The following KBTBD11 variants were observed in gnomAD, a reference collection of about 807,000 sequenced individuals.
KBTBD11 encodes kelch repeat and BTB domain containing 11.
For synonymous variants in KBTBD11, 747 were observed against 499.0 expected (o/e 1.50, Z -6.63); for missense variants, 1,390 against 1,001.8 (o/e 1.39, Z -5.23).
At chr8:1,999,476 T>TCG (rs1817264108) in intron 1 of KBTBD11, among the ~76,000 whole-genome samples, 1 of 152,230 alleles carries the variant, frequency 6.6e-6, no homozygotes, top group Non-Finnish European at 1.5e-5. Context: ...ACTCTAAGAC[T>TCG]CTAAGTTTCT....
chr8:1,982,212 T>A (rs1353979088), intron 1 of KBTBD11, among the ~76,000 whole-genome samples: 1 of 152,202 alleles, frequency 6.6e-6, no homozygotes, highest in African/African-American at 2.4e-5. Context: ...AGGTATTTTA[T>A]GTAAGCCTCA....
intron 1 of KBTBD11, among the ~76,000 whole-genome samples, chr8:1,987,889 C>T (rs1345884801): frequency 6.6e-6 from 1 of 152,076 alleles, no homozygotes; most frequent in Non-Finnish European, 1.5e-5. Flanking sequence ...CCCAGCTCCC[C>T]AGCCCCCGAC....
intron 1 of KBTBD11, among the ~76,000 whole-genome samples, chr8:1,986,872 T>C (rs534124035): frequency 1.3e-5 from 2 of 152,116 alleles, no homozygotes; most frequent in Non-Finnish European, 2.9e-5. Context: ...TTTTTGTTTG[T>C]TTGTAAGAAA....
chr8:1,991,572 C>A (rs997547299), intron 1 of KBTBD11, among the ~76,000 whole-genome samples: 10 of 151,346 alleles, frequency 6.6e-5, no homozygotes, highest in African/African-American at 1.2e-4. Context: ...GGCCCTTGCT[C>A]CTGCATCAGC....
In KBTBD11 at chr8:2,002,590, C is replaced by T. The variant is rs146666228; in HGVS notation, c.1398C>T (p.Leu466=). The change falls in exon 2 of 2, where the codon CTC becomes CTT. Residue 466 remains leucine, a synonymous_variant. Transcript: ENST00000320248. This position sits in a 1 kb window ranked among gnomAD's most constrained non-coding sequence, Gnocchi z 4.1. Reference sequence around the variant, plus strand: ...AGATCTACGTGTCCGGGGGCTCCCTCTTCTATCGCCTGCTCAAGTATGACC... The same window carrying T: ...AGATCTACGTGTCCGGGGGCTCCCTTTTCTATCGCCTGCTCAAGTATGACC... ...HGEIYVSGGS[L]FYRLLKYDPR... 4.8e-4 allele frequency: 763 copies of T among 1,584,598 alleles called. 6 individuals carry two copies. The Middle Eastern group carries it at 4.9e-3, about 10-fold the overall frequency.
chr8:1,996,128 T>C (rs1471471613), intron 1 of KBTBD11, among the ~76,000 whole-genome samples: 2 of 152,260 alleles, frequency 1.3e-5, no homozygotes, highest in Non-Finnish European at 2.9e-5. Context: ...TTGCGATTCA[T>C]TGGCTACTTA....
chr8:1,987,457 G>C (rs777195529), intron 1 of KBTBD11, among the ~76,000 whole-genome samples: 1 of 152,080 alleles, frequency 6.6e-6, no homozygotes, highest in African/African-American at 2.4e-5. Context: ...TACTGTTCCC[G>C]TCACTGCTTC....
rs7460119 is a variant in KBTBD11 at position 2,006,071 on chromosome 8, G to C, written c.*3007G>C. 0.93 allele frequency: 154,907 copies of C among 167,192 alleles called. 71,823 individuals carry two copies. Among genetic ancestry groups the C allele is most frequent in the East Asian group, 1 (5,183 of 5,186 alleles). 10.4% of individuals were successfully genotyped at this position (167,192 alleles called of 1,614,324 possible). ...TGAGTCTGTGGAGGCACCGACTTCT[G>C]CTGTAAGAAAATGAATGTTGTGGAA... On this transcript the variant is annotated 3_prime_UTR_variant, in exon 2 of 2. Transcript: ENST00000320248.
In KBTBD11 at chr8:2,005,592, A is replaced by G. The variant is rs185916462; in HGVS notation, c.*2528A>G. 33 of 167,188 alleles carry G rather than the reference A, an allele frequency of 2.0e-4. No homozygotes were observed. The highest frequency in any genetic ancestry group is 7.7e-4 in the African/African-American group (32 of 41,566). The allele number at this position is 167,188 out of a possible 1,614,324, so 10.4% of individuals were successfully genotyped here. A position where few individuals can be genotyped will look rare whatever the true frequency, so the allele number is the denominator to read the frequency against. On this transcript the variant is annotated 3_prime_UTR_variant, in exon 2 of 2. Transcript: ENST00000320248. ...TGATGCCCCAGGTAGGACCTTTTCCAATTCAAAGTGGTGTTCTAAGTCTGC... is the reference window on the plus strand; with the variant it reads ...TGATGCCCCAGGTAGGACCTTTTCCGATTCAAAGTGGTGTTCTAAGTCTGC...
At chr8:1,974,175 C>T (rs1164384391) in intron 1 of KBTBD11, among the ~76,000 whole-genome samples, 1 of 94,384 alleles carries the variant, frequency 1.1e-5, no homozygotes, top group Non-Finnish European at 2.1e-5. Context: ...CAGCGCTGCC[C>T]GCGGCGGGGT....
chr8:1,996,921 A>G (rs1213067338), intron 1 of KBTBD11, among the ~76,000 whole-genome samples: 1 of 152,146 alleles, frequency 6.6e-6, no homozygotes, highest in East Asian at 1.9e-4. Context: ...TTTAATTAAT[A>G]CTATTTATAT....
chr8:2,001,026 C>A lies in KBTBD11; in HGVS notation c.-167C>A. 4 of 909,840 alleles carry A rather than the reference C, an allele frequency of 4.4e-6. No homozygotes were observed. The highest frequency in any genetic ancestry group is 7.7e-4 in the Middle Eastern group (2 of 2,606). 56.4% of individuals were successfully genotyped at this position (909,840 alleles called of 1,614,324 possible). A position where few individuals can be genotyped will look rare whatever the true frequency, so the allele number is the denominator to read the frequency against. ...AGGCGGGGGAGCAGCGTGTGAGATTCCCCCCTTCACACACACAACAACAAA... is the reference window on the plus strand; with the variant it reads ...AGGCGGGGGAGCAGCGTGTGAGATTACCCCCTTCACACACACAACAACAAA... On this transcript the variant is annotated 5_prime_UTR_variant, in exon 2 of 2. Transcript: ENST00000320248.
At chr8:1,978,660 AG>A (rs1241236154) in intron 1 of KBTBD11, among the ~76,000 whole-genome samples, 1 of 152,162 alleles carries the variant, frequency 6.6e-6, no homozygotes, top group East Asian at 1.9e-4. Flanking sequence ...CCTGCCACGT[AG>A]AAGGGGAGGG....
At position 2,002,810 on chromosome 8, in the gene KBTBD11, C is replaced by T; in HGVS notation, c.1618C>T (p.Pro540Ser). The T allele has an allele frequency of 2.1e-6, 3 of 1,438,426 alleles. No homozygotes were observed. The highest frequency in any genetic ancestry group is 2.7e-6 in the Non-Finnish European group (3 of 1,104,496). The allele number at this position is 1,438,426 out of a possible 1,614,324, so 89.1% of individuals were successfully genotyped here. A position where few individuals can be genotyped will look rare whatever the true frequency, so the allele number is the denominator to read the frequency against. ...CAAGCAGTGGAGCCCGTGCGTCGCG[C>T]CCCTGCGCCTCCCCGGCGGCCCCAC... ...LAKQWSPCVA[P>S]LRLPGGPTGL... The change falls in exon 2 of 2, where the codon CCC becomes TCC. Residue 540 changes from proline to serine, a missense_variant. Pro to Ser is a moderately conservative substitution (Grantham distance 74). Coordinates refer to ENST00000320248, the MANE Select transcript of KBTBD11 (RefSeq NM_014867.3). The surrounding 1 kb of genome is among the most constrained non-coding windows in gnomAD (Gnocchi z 4.1).
At chr8:1,980,255 T>A (rs1585722245) in intron 1 of KBTBD11, among the ~76,000 whole-genome samples, 2 of 106,810 alleles carry the variant, frequency 1.9e-5, no homozygotes, top group African/African-American at 7.3e-5. Flanking sequence ...TGAGATGGGG[T>A]CTTGCTCTGT....
In KBTBD11 at chr8:2,001,132, T is replaced by C. The variant is rs1315455394; in HGVS notation, c.-61T>C. 12 of 1,281,416 alleles carry C rather than the reference T, an allele frequency of 9.4e-6. No homozygotes were observed. In the African/African-American group the frequency reaches 1.5e-4, roughly 17 times the overall value. 79.4% of individuals were successfully genotyped at this position (1,281,416 alleles called of 1,614,324 possible). On this transcript the variant is annotated 5_prime_UTR_variant, in exon 2 of 2. Coordinates refer to ENST00000320248, the MANE Select transcript of KBTBD11 (RefSeq NM_014867.3). ...GAAACCCCGGAGTAAGGCTCGACCTTGGCCAGACCTGCAGGCTGCGGAACC... is the reference window on the plus strand; with the variant it reads ...GAAACCCCGGAGTAAGGCTCGACCTCGGCCAGACCTGCAGGCTGCGGAACC...
intron 1 of KBTBD11, among the ~76,000 whole-genome samples, chr8:1,988,374 C>T (rs1816771120): frequency 6.6e-6 from 1 of 152,172 alleles, no homozygotes; most frequent in African/African-American, 2.4e-5. Context: ...CCTGTTTCTC[C>T]ACATCCTCTC....
Position 2,002,695 on chromosome 8 carries a change from C to G in KBTBD11, c.1503C>G (p.Phe501Leu). 1 of 1,554,232 alleles carries G rather than the reference C, an allele frequency of 6.4e-7. No homozygotes were observed. Among genetic ancestry groups the G allele is most frequent in the Non-Finnish European group, 8.6e-7 (1 of 1,159,106 alleles). Residue 501 changes from phenylalanine to leucine, a missense_variant, in exon 2 of 2, where the codon TTC becomes TTG. Transcript: ENST00000320248. The surrounding 1 kb of genome is among the most constrained non-coding windows in gnomAD (Gnocchi z 4.1). ...CCGACATGGTGGCTCTCGACGGCTT[C>G]ATCTACCGCTTCGATCTGAGCGGCA... is the stretch of plus-strand genomic sequence containing the variant. ...RSADMVALDG[F>L]IYRFDLSGSR...
chr8:1,993,803 G>A (rs1054940999), intron 1 of KBTBD11, among the ~76,000 whole-genome samples: 5 of 151,854 alleles, frequency 3.3e-5, no homozygotes, highest in Non-Finnish European at 7.4e-5. Context: ...AATGCACCAT[G>A]GCAGCTTGAG....
Sources: gnomAD v4.1 joint callset for allele counts (sites outside exome capture counted in the v4.1 genomes callset) on GRCh38, gnomAD v4.1.1 for gene constraint, Gnocchi (gnomAD v3.1) non-coding constraint, MANE v1.5 for transcripts, NCBI Gene and HGNC (gene_info 2026-07-23, HGNC 2026-07-21) for gene names.